The following NAALADL2 variants were observed in gnomAD, a reference collection of about 807,000 sequenced individuals.
The protein encoded by NAALADL2 is N-acetylated alpha-linked acidic dipeptidase like 2, also known as inactive N-acetylated-alpha-linked acidic dipeptidase-like protein 2.
A neutral mutation model predicts 87.2 loss-of-function variants in NAALADL2; 76 were observed. The ratio of observed to expected loss-of-function variants is 0.87; its 90% CI spans 0.72 to 1.05. NAALADL2 has a LOEUF of 1.05. Ranked by LOEUF, NAALADL2 falls within the 50% of genes least tolerant of loss-of-function variation. NAALADL2 has a pLI of 0.00. For synonymous variants in NAALADL2, 354 were observed against 331.0 expected, an observed-to-expected ratio of 1.07 and a Z score of -0.75; for missense variants, 1,089 against 945.8, an observed-to-expected ratio of 1.15 and a Z score of -1.99.
chr3:174,476,923 A>G (rs1252929528), intron 1 of NAALADL2, among the ~76,000 whole-genome samples: 2 of 152,092 alleles, frequency 1.3e-5, no homozygotes. Flanking sequence ...ATCTAAGGGA[A>G]GTGCGAAAGA....
At chr3:175,260,634 A>G (rs1750866545) in intron 4 of NAALADL2, among the ~76,000 whole-genome samples, 1 of 152,148 alleles carries the variant, frequency 6.6e-6, no homozygotes, top group African/African-American at 2.4e-5. Context: ...ATGAATCAAC[A>G]GTTAGTCATG....
At chr3:174,768,130 G>A (rs1714083077) in intron 3 of NAALADL2, among the ~76,000 whole-genome samples, 1 of 152,192 alleles carries the variant, frequency 6.6e-6, no homozygotes, top group Non-Finnish European at 1.5e-5. Flanking sequence ...ACCCTTTCTG[G>A]CAAGTTATAA....
chr3:174,723,192 G>T (rs1731864459), intron 2 of NAALADL2, among the ~76,000 whole-genome samples: 1 of 152,098 alleles, frequency 6.6e-6, no homozygotes, highest in South Asian at 2.1e-4. Context: ...AAAATTGCCT[G>T]CCTGTGATTA....
chr3:174,675,464 G>A (rs1235507838), intron 2 of NAALADL2, among the ~76,000 whole-genome samples: 1 of 151,948 alleles, frequency 6.6e-6, no homozygotes, highest in African/African-American at 2.4e-5. Flanking sequence ...GTTAAATAAG[G>A]TTCCTCGCTT....
chr3:174,827,940 T>C (rs185850380), intron 3 of NAALADL2, among the ~76,000 whole-genome samples: 5 of 152,256 alleles, frequency 3.3e-5, no homozygotes, highest in African/African-American at 9.6e-5. Flanking sequence ...CTCAGCACTT[T>C]GGGAGGCTGA....
rs59352149 is a variant in NAALADL2 at position 175,495,092 on chromosome 3, A to ATTTTT, written c.1653+23339_1653+23343dup. Among the ~76,000 whole-genome samples, 205 of 136,494 alleles carry ATTTTT rather than the reference A, an allele frequency of 1.5e-3. 2 individuals are homozygous for ATTTTT. The highest frequency in any genetic ancestry group is 5.1e-3 in the South Asian group (23 of 4,530). The allele number at this position is 136,494 out of a possible 152,430, so 89.5% of individuals were successfully genotyped here. A position where few individuals can be genotyped will look rare whatever the true frequency, so the allele number is the denominator to read the frequency against. The stretch of plus-strand genomic sequence containing the variant: ...CAATCCCATATATATATATATATAT[A>ATTTTT]TTTTTTTTTAATTTTAGATTATTTC... On this transcript the variant is annotated intron_variant, in intron 9 of 13. Transcript: ENST00000454872.
At chr3:175,501,317 G>T (rs748355886) in intron 9 of NAALADL2, among the ~76,000 whole-genome samples, 1 of 152,006 alleles carries the variant, frequency 6.6e-6, no homozygotes, top group Admixed American at 6.6e-5. Context: ...GTTCAGGTAG[G>T]TTCCATATAT....
chr3:175,633,127 A>C (rs1167861320), intron 11 of NAALADL2, among the ~76,000 whole-genome samples: 1 of 152,120 alleles, frequency 6.6e-6, no homozygotes, highest in Non-Finnish European at 1.5e-5. Flanking sequence ...AAATATTATA[A>C]GGAGAAAATG....
At position 175,191,372 on chromosome 3, in the gene NAALADL2, G is replaced by A. The variant is rs16824620; in HGVS notation, c.546-42559G>A. On this transcript the variant is annotated intron_variant, in intron 2 of 13. Coordinates refer to ENST00000454872, the MANE Select transcript of NAALADL2 (RefSeq NM_207015.3). ...GTAGAAGTGTTGAGCCTTTATGGAA[G>A]GCATCACAAATTCATTGTAGAGCAG... Among the ~76,000 whole-genome samples, 283 of 152,280 alleles carry A rather than the reference G, an allele frequency of 1.9e-3. 6 individuals carry two copies. The East Asian group carries it at 0.048, about 26-fold the overall frequency.
intron 13 of NAALADL2, among the ~76,000 whole-genome samples, chr3:175,779,756 A>G (rs1261179680): frequency 2.6e-5 from 4 of 152,212 alleles, no homozygotes; most frequent in Non-Finnish European, 4.4e-5. Flanking sequence ...GAAATTTTCA[A>G]CAACCTTTAA....
At chr3:175,744,434 C>T (rs1205098158) in intron 12 of NAALADL2, among the ~76,000 whole-genome samples, 2 of 152,118 alleles carry the variant, frequency 1.3e-5, no homozygotes, top group African/African-American at 4.8e-5. Context: ...CTTGGGTCTC[C>T]CTGTCACTTT....
chr3:175,137,796 G>C (rs545813498), intron 2 of NAALADL2, among the ~76,000 whole-genome samples: 44 of 151,154 alleles, frequency 2.9e-4, no homozygotes, highest in African/African-American at 1.0e-3. Context: ...TTTTGTTTTT[G>C]TATTTTTAAT....
intron 5 of NAALADL2, among the ~76,000 whole-genome samples, chr3:175,368,888 A>T (rs1040502539): frequency 1.1e-4 from 17 of 152,152 alleles, no homozygotes; most frequent in African/African-American, 4.1e-4. Flanking sequence ...GTACAGCGAA[A>T]TATGATATAA....
intron 3 of NAALADL2, among the ~76,000 whole-genome samples, chr3:175,250,201 C>G (rs1748792178): frequency 6.7e-6 from 1 of 148,500 alleles, no homozygotes; most frequent in Admixed American, 6.8e-5. Flanking sequence ...GATTAGTATT[C>G]TTATAAGAAT....
chr3:175,099,083 C>G (rs1300636308), intron 2 of NAALADL2, among the ~76,000 whole-genome samples: 1 of 152,030 alleles, frequency 6.6e-6, no homozygotes, highest in East Asian at 1.9e-4. Flanking sequence ...ATTTTCCCTC[C>G]TTATATAACT....
chr3:175,259,230 A>G (rs1750600720), intron 4 of NAALADL2, among the ~76,000 whole-genome samples: 8 of 152,220 alleles, frequency 5.3e-5, no homozygotes, highest in Admixed American at 5.2e-4. Flanking sequence ...CAGATAGGTA[A>G]GAGTATAGTT....
chr3:174,875,939 T>C (rs1441910099), intron 1 of NAALADL2, among the ~76,000 whole-genome samples: 1 of 151,822 alleles, frequency 6.6e-6, no homozygotes, highest in Non-Finnish European at 1.5e-5. Context: ...TTTAAAAATT[T>C]CCTATTATGA....
intron 1 of NAALADL2, among the ~76,000 whole-genome samples, chr3:174,872,607 T>C (rs1250734942): frequency 1.3e-5 from 2 of 152,162 alleles, no homozygotes; most frequent in Non-Finnish European, 2.9e-5. Context: ...GGTATAGTGT[T>C]AGTAACTGCT....
At position 175,310,502 on chromosome 3, in the gene NAALADL2, A is replaced by G. The variant is rs1054510847; in HGVS notation, c.940-13673A>G. ...AATAGCTAATCTCTGATATTTTATT[A>G]CCTTTAGAGATATTTTATACTTATT... On this transcript the variant is annotated intron_variant, in intron 4 of 13. Transcript: ENST00000454872. Among the ~76,000 whole-genome samples the G allele has an allele frequency of 6.6e-5, 10 of 152,052 alleles. No homozygotes were observed. The South Asian group carries it at 2.1e-3, about 31-fold the overall frequency.
Sources: gnomAD v4.1 joint callset for allele counts (sites outside exome capture counted in the v4.1 genomes callset) on GRCh38, gnomAD v4.1.1 for gene constraint, MANE v1.5 for transcripts, NCBI Gene and HGNC (gene_info 2026-07-23, HGNC 2026-07-21) for gene names.